Variants in PAQR5 observed in about 807,000 individuals in gnomAD.
The protein encoded by PAQR5 is progestin and adipoQ receptor family member 5.
PAQR5 carries 20 observed loss-of-function variants against 34.5 expected under a neutral mutation model. That is an observed-to-expected ratio of 0.58 (90% CI 0.41 to 0.84). PAQR5 has a LOEUF of 0.84. PAQR5 is among the 40% of genes least tolerant of loss of function. The probability of loss-of-function intolerance (pLI) is 0.00; values close to 1 mark genes in which losing one functional copy is unlikely to be tolerated. For missense variants in PAQR5, 378 were observed against 412.7 expected (o/e 0.92, Z 0.73); for synonymous variants, 131 against 155.6 (o/e 0.84, Z 1.18).
In PAQR5 at chr15:69,403,563, C is replaced by A. The variant is rs754932346; in HGVS notation, c.752-18C>A. ...CCTTTTCATTGCTGATCTTGACGGC[C>A]TTTTGTGTTTGCCATAGGTCACAGT... On this transcript the variant is annotated intron_variant, in intron 8 of 8. Coordinates refer to ENST00000395407, the MANE Select transcript of PAQR5 (RefSeq NM_017705.4). 6.2e-7 allele frequency: 1 copy of A among 1,612,678 alleles called. No individual in the cohort carries two copies. Among genetic ancestry groups the A allele is most frequent in the African/African-American group, 1.3e-5 (1 of 74,898 alleles).
chr15:69,308,247 G>C (rs923265989), intron 1 of PAQR5, among the ~76,000 whole-genome samples: 1 of 152,098 alleles, frequency 6.6e-6, no homozygotes, highest in Non-Finnish European at 1.5e-5. Context: ...TGGGCACTGT[G>C]GGTAGAGACC....
In PAQR5 at chr15:69,341,702, C is replaced by T. The variant is rs140448309; in HGVS notation, c.-116+4201C>T. On this transcript the variant is annotated intron_variant, in intron 2 of 8. Coordinates refer to ENST00000395407, the MANE Select transcript of PAQR5 (RefSeq NM_017705.4). ...CGTCGCACCTGTAATCCCAGTACTT[C>T]GGGAGGCCAAGGTGGGTGGATCACT... 4.3e-3 allele frequency among the ~76,000 whole-genome samples: 647 copies of T among 152,034 alleles called. 2 individuals carry two copies. Among genetic ancestry groups the T allele is most frequent in the African/African-American group, 0.015 (622 of 41,492 alleles).
chr15:69,353,023 C>T (rs1595885909), intron 2 of PAQR5, among the ~76,000 whole-genome samples: 1 of 152,216 alleles, frequency 6.6e-6, no homozygotes. Flanking sequence ...TCTTTCACCA[C>T]CCATCCCTGT....
chr15:69,320,206 A>T (rs1291610338), intron 1 of PAQR5, among the ~76,000 whole-genome samples: 1 of 152,196 alleles, frequency 6.6e-6, no homozygotes, highest in Non-Finnish European at 1.5e-5. Context: ...GGTAGCATAG[A>T]GCCAGAACGA....
chr15:69,348,964 A>G (rs2054842673), intron 2 of PAQR5, among the ~76,000 whole-genome samples: 1 of 152,192 alleles, frequency 6.6e-6, no homozygotes, highest in South Asian at 2.1e-4. Flanking sequence ...TTAGACTGCC[A>G]TTGACGTCAG....
chr15:69,387,947 C>T (rs1338873095), intron 5 of PAQR5, among the ~76,000 whole-genome samples: 1 of 152,224 alleles, frequency 6.6e-6, no homozygotes, highest in African/African-American at 2.4e-5. Context: ...GCCTGCCAGC[C>T]ATGCTGGCAC....
At chr15:69,391,851 G>T (rs1023379565) in intron 6 of PAQR5, 4 of 381,426 alleles carry the variant, frequency 1.0e-5, no homozygotes, top group Non-Finnish European at 1.0e-5. Context: ...GAGGTCAGGA[G>T]TTCAAGACCA....
At chr15:69,394,341 A>G (rs910084206) in intron 6 of PAQR5, among the ~76,000 whole-genome samples, 8 of 152,092 alleles carry the variant, frequency 5.3e-5, no homozygotes, top group African/African-American at 1.9e-4. Flanking sequence ...GCCAGAGGAT[A>G]AAGTGCTGCT....
At chr15:69,390,340 A>AT (rs1450802023) in intron 6 of PAQR5, among the ~76,000 whole-genome samples, 1 of 99,452 alleles carries the variant, frequency 1.0e-5, no homozygotes, top group Non-Finnish European at 2.3e-5. Context: ...TTATTTATTT[A>AT]TTTATTTATT....
chr15:69,369,049 G>T lies in PAQR5; in HGVS notation c.51+8918G>T, dbSNP rs2055482838. The stretch of plus-strand genomic sequence containing the variant: ...GGCCCCCAAAGTTTTGGCATTACAG[G>T]GTTGAGCTACTATGCCCAGCCTGTT... On this transcript the variant is annotated intron_variant, in intron 3 of 8. Coordinates refer to ENST00000395407, the MANE Select transcript of PAQR5 (RefSeq NM_017705.4). 2.6e-5 allele frequency among the ~76,000 whole-genome samples: 4 copies of T among 152,256 alleles called. No individual in the cohort carries two copies. In the East Asian group the frequency reaches 7.7e-4, roughly 29 times the overall value.
intron 2 of PAQR5, among the ~76,000 whole-genome samples, chr15:69,342,267 TTTATTATTATTATTATTATTATTATTA>T (rs144248170): frequency 0.06 from 8,982 of 149,290 alleles, 925 homozygotes; most frequent in African/African-American, 0.21. Context: ...TGTTTGTTCT[TTTATTATTATTATTATTATTATTATTA>T]TTATTATTAT....
At chr15:69,365,183 C>T (rs978493190) in intron 3 of PAQR5, among the ~76,000 whole-genome samples, 8 of 151,090 alleles carry the variant, frequency 5.3e-5, no homozygotes, top group Non-Finnish European at 8.8e-5. Context: ...CTCGGCTCAC[C>T]GCAACCTCTG....
intron 1 of PAQR5, among the ~76,000 whole-genome samples, chr15:69,322,838 G>GAAGAAGAAGAAGAA (rs1566998269): frequency 5.2e-5 from 1 of 19,388 alleles, no homozygotes; most frequent in African/African-American, 2.0e-4. Context: ...AAGAAGAAGA[G>GAAGAAGAAGAAGAA]GAAGAAGAAG....
At chr15:69,362,176 G>C (rs2055252088) in intron 3 of PAQR5, among the ~76,000 whole-genome samples, 1 of 152,194 alleles carries the variant, frequency 6.6e-6, no homozygotes, top group South Asian at 2.1e-4. Context: ...GAGGCTAAGG[G>C]AGAAAGATGA....
At chr15:69,348,841 G>A (rs1410978866) in intron 2 of PAQR5, among the ~76,000 whole-genome samples, 1 of 152,186 alleles carries the variant, frequency 6.6e-6, no homozygotes, top group Non-Finnish European at 1.5e-5. Flanking sequence ...GATTCACAGG[G>A]ATTCACTGCC....
chr15:69,360,174 A>T (rs375128274), intron 3 of PAQR5, 43 bp downstream of exon 3: 2 of 1,529,204 alleles, frequency 1.3e-6, no homozygotes, highest in Non-Finnish European at 9.1e-7. Flanking sequence ...CCAGAGTGTG[A>T]CCAGGGCTTG....
chr15:69,314,676 G>C (rs1186068767), intron 1 of PAQR5: 2 of 151,616 alleles, frequency 1.3e-5, no homozygotes, highest in Non-Finnish European at 2.9e-5. Context: ...AGTGTGCTGG[G>C]GAGGAGAGGG....
At position 69,360,147 on chromosome 15, in the gene PAQR5, A is replaced by T; in HGVS notation, c.51+16A>T. 6.2e-7 allele frequency: 1 copy of T among 1,600,982 alleles called. No individual in the cohort carries two copies. Among genetic ancestry groups the T allele is most frequent in the Non-Finnish European group, 8.6e-7 (1 of 1,168,214 alleles). On this transcript the variant is annotated intron_variant, in intron 3 of 8. Transcript: ENST00000395407. Reference sequence around the variant, plus strand: ...GATACCCCAGGTATGTGCTCTATTGATTATGATGGTTCATTTCCAGAGTGT... The same window carrying T: ...GATACCCCAGGTATGTGCTCTATTGTTTATGATGGTTCATTTCCAGAGTGT...
At chr15:69,390,344 A>ATTTTTTTTTTTTT (rs201375546) in intron 6 of PAQR5, among the ~76,000 whole-genome samples, 1 of 118,990 alleles carries the variant, frequency 8.4e-6, no homozygotes. Flanking sequence ...TTATTTATTT[A>ATTTTTTTTTTTTT]TTTATTTATT....
Sources: allele counts gnomAD v4.1 joint callset (sites outside exome capture counted in the v4.1 genomes callset), GRCh38; gene constraint gnomAD v4.1.1; transcripts MANE v1.5; gene names NCBI Gene and HGNC (gene_info 2026-07-23, HGNC 2026-07-21).